Variants in FBXL17 observed in about 807,000 individuals in gnomAD.
FBXL17 encodes the protein F-box and leucine rich repeat protein 17, also known as F-box/LRR-repeat protein 17.
FBXL17 carries 22 observed loss-of-function variants against 66.2 expected under a neutral mutation model. The ratio of observed to expected loss-of-function variants is 0.33; its 90% CI spans 0.24 to 0.47. The LOEUF (loss-of-function observed/expected upper bound fraction) is 0.47, where lower values mean the gene tolerates loss of function less well. Ranked by LOEUF, FBXL17 falls within the 20% of genes least tolerant of loss-of-function variation. The pLI is 1.00. For missense variants in FBXL17, 878 were observed against 948.2 expected (o/e 0.93, Z 0.97); for synonymous variants, 474 against 400.5 (o/e 1.18, Z -2.19).
At chr5:108,249,143 T>C (rs1756236359) in intron 4 of FBXL17, among the ~76,000 whole-genome samples, 1 of 152,122 alleles carries the variant, frequency 6.6e-6, no homozygotes, top group African/African-American at 2.4e-5. Context: ...TTAATGCTCC[T>C]TTTCCCATTT....
chr5:108,329,939 A>G (rs1253009012), intron 4 of FBXL17, among the ~76,000 whole-genome samples: 1 of 152,152 alleles, frequency 6.6e-6, no homozygotes, highest in Non-Finnish European at 1.5e-5. Context: ...AATTACTCCT[A>G]TTAGTTAAAA....
At chr5:107,947,723 CCCT>C (rs1170943465) in intron 7 of FBXL17, among the ~76,000 whole-genome samples, 1 of 152,140 alleles carries the variant, frequency 6.6e-6, no homozygotes, top group Non-Finnish European at 1.5e-5. Flanking sequence ...GTGGAAAGAA[CCCT>C]AGACTGAGGA....
intron 2 of FBXL17, among the ~76,000 whole-genome samples, chr5:108,365,621 A>G (rs1437178100): frequency 6.6e-6 from 1 of 152,044 alleles, no homozygotes; most frequent in African/African-American, 2.4e-5. Flanking sequence ...AATTATCAAA[A>G]CTGAGAAAGA....
At chr5:107,987,658 A>G (rs1753072527) in intron 7 of FBXL17, among the ~76,000 whole-genome samples, 1 of 151,984 alleles carries the variant, frequency 6.6e-6, no homozygotes, top group Non-Finnish European at 1.5e-5. Context: ...AATCTTGTCT[A>G]CTATTTTTAA....
intron 2 of FBXL17, among the ~76,000 whole-genome samples, chr5:108,365,242 T>C (rs549684185): frequency 1.4e-4 from 21 of 152,172 alleles, no homozygotes; most frequent in Non-Finnish European, 2.9e-4. Flanking sequence ...TCCTAAGCAA[T>C]AGAATTTCTT....
chr5:108,264,997 G>A (rs1756988815), intron 4 of FBXL17, among the ~76,000 whole-genome samples: 1 of 151,560 alleles, frequency 6.6e-6, no homozygotes, highest in South Asian at 2.1e-4. Flanking sequence ...TTTTATCTGT[G>A]ATCCATCCTC....
At chr5:107,971,746 TTAGG>T (rs2112650617) in intron 7 of FBXL17, among the ~76,000 whole-genome samples, 1 of 152,304 alleles carries the variant, frequency 6.6e-6, no homozygotes, top group South Asian at 2.1e-4. Flanking sequence ...ATATAGCCTG[TTAGG>T]TAGGAACAAA....
intron 4 of FBXL17, among the ~76,000 whole-genome samples, chr5:108,244,607 C>T (rs572856600): frequency 1.3e-5 from 2 of 152,288 alleles, no homozygotes; most frequent in South Asian, 2.1e-4. Flanking sequence ...CACTACTGGG[C>T]ACTAACTTAT....
At chr5:107,993,757 T>TCACA (rs1287521814) in intron 7 of FBXL17, among the ~76,000 whole-genome samples, 1 of 152,208 alleles carries the variant, frequency 6.6e-6, no homozygotes, top group African/African-American at 2.4e-5. Flanking sequence ...TCCTGTCAAA[T>TCACA]CACACTCCTT....
At chr5:108,252,282 T>C (rs1331949267) in intron 4 of FBXL17, among the ~76,000 whole-genome samples, 1 of 151,494 alleles carries the variant, frequency 6.6e-6, no homozygotes, top group East Asian at 1.9e-4. Flanking sequence ...AACTGGGGGG[T>C]TTCTTGTTAT....
intron 7 of FBXL17, among the ~76,000 whole-genome samples, chr5:107,913,973 G>GT (rs34578987): frequency 0.32 from 46,705 of 146,614 alleles, 8,437 homozygotes; most frequent in Admixed American, 0.48. Context: ...CATTTTATGA[G>GT]TTTTTTTTTT....
chr5:108,154,420 G>A (rs1275565342), intron 6 of FBXL17, among the ~76,000 whole-genome samples: 3 of 150,562 alleles, frequency 2.0e-5, no homozygotes, highest in East Asian at 3.9e-4. Flanking sequence ...GAGAAACCCC[G>A]TCTCTACTAA....
intron 3 of FBXL17, 42 bp downstream of exon 3, chr5:108,364,696 A>T: frequency 6.7e-7 from 1 of 1,494,830 alleles, no homozygotes; most frequent in Non-Finnish European, 9.1e-7. Context: ...AAACATTTTT[A>T]ATTAATTCAA....
intron 1 of FBXL17, among the ~76,000 whole-genome samples, chr5:108,373,447 G>A (rs1222445364): frequency 1.4e-5 from 2 of 147,590 alleles, no homozygotes; most frequent in African/African-American, 2.5e-5. Flanking sequence ...ATGTATATAT[G>A]AGAAGGGGAT....
At chr5:108,014,894 A>T (rs1207498835) in intron 7 of FBXL17, among the ~76,000 whole-genome samples, 1 of 152,174 alleles carries the variant, frequency 6.6e-6, no homozygotes, top group Non-Finnish European at 1.5e-5. Context: ...AGAGAGAATG[A>T]GAGCCAAATG....
chr5:108,256,766 T>A (rs948138641), intron 4 of FBXL17, among the ~76,000 whole-genome samples: 1 of 152,064 alleles, frequency 6.6e-6, no homozygotes, highest in Admixed American at 6.6e-5. Flanking sequence ...TTATCATTCC[T>A]ATTATTCCTA....
At chr5:108,250,199 C>A (rs966300238) in intron 4 of FBXL17, among the ~76,000 whole-genome samples, 1 of 152,130 alleles carries the variant, frequency 6.6e-6, no homozygotes, top group Non-Finnish European at 1.5e-5. Context: ...AAATTACACA[C>A]TAAAAACGTA....
chr5:108,227,986 C>T (rs1355638103), intron 4 of FBXL17, among the ~76,000 whole-genome samples: 2 of 152,088 alleles, frequency 1.3e-5, no homozygotes, highest in African/African-American at 4.8e-5. Context: ...TATCCATCTT[C>T]GAGGAGAGGA....
At chr5:108,218,977 C>T (rs1408110456) in intron 5 of FBXL17, among the ~76,000 whole-genome samples, 1 of 152,058 alleles carries the variant, frequency 6.6e-6, no homozygotes, top group East Asian at 1.9e-4. Context: ...ATCAACTTTG[C>T]TTTTCTGGGA....
Sources: allele counts gnomAD v4.1 joint callset (sites outside exome capture counted in the v4.1 genomes callset), GRCh38; gene constraint gnomAD v4.1.1; transcripts MANE v1.5; gene names NCBI Gene and HGNC (gene_info 2026-07-23, HGNC 2026-07-21).